Variants in TLE3 observed in about 807,000 individuals in gnomAD.
The protein encoded by TLE3 is TLE family member 3, transcriptional corepressor.
Under a neutral mutation model 93.0 loss-of-function variants are expected in TLE3, and 14 were observed. That is an observed-to-expected ratio of 0.15 (90% CI 0.10 to 0.24). TLE3 has a LOEUF of 0.24. Ranked by LOEUF, TLE3 falls within the 10% of genes least tolerant of loss-of-function variation. TLE3 has a pLI of 1.00. For missense variants in TLE3, 693 were observed against 1,046.6 expected (o/e 0.66, Z 4.66); for synonymous variants, 451 against 425.0 (o/e 1.06, Z -0.75).
At chr15:70,055,926 G>A (rs1003274525) in intron 14 of TLE3, 10 of 369,710 alleles carry the variant, frequency 2.7e-5, no homozygotes, top group Non-Finnish European at 5.1e-5. Flanking sequence ...TGACAGGGAA[G>A]GGCCTGCGAC....
At chr15:70,071,888 G>A (rs752329554) in intron 6 of TLE3, among the ~76,000 whole-genome samples, 3 of 152,144 alleles carry the variant, frequency 2.0e-5, no homozygotes, top group Non-Finnish European at 2.9e-5. Flanking sequence ...GCTTCCCAGA[G>A]GCAGCTCAGC....
chr15:70,055,592 A>C, intron 14 of TLE3: 3 of 333,642 alleles, frequency 9.0e-6, no homozygotes, highest in Non-Finnish European at 1.1e-5. Flanking sequence ...ACATTCCCCC[A>C]ACATGCCAAC....
At chr15:70,087,447 G>A (rs2058084952) in intron 4 of TLE3, among the ~76,000 whole-genome samples, 2 of 152,222 alleles carry the variant, frequency 1.3e-5, no homozygotes, top group African/African-American at 2.4e-5. Flanking sequence ...CTAAGAGGCC[G>A]TAGCATTATA....
chr15:70,085,138 T>C (rs1020940708), intron 4 of TLE3, among the ~76,000 whole-genome samples: 1 of 152,248 alleles, frequency 6.6e-6, no homozygotes, highest in African/African-American at 2.4e-5. Context: ...AAAGTTCTAC[T>C]GGACAGCACT....
chr15:70,093,544 T>C (rs373361611), intron 4 of TLE3, among the ~76,000 whole-genome samples: 25 of 152,334 alleles, frequency 1.6e-4, no homozygotes, highest in African/African-American at 4.6e-4. Flanking sequence ...TGAACACCAA[T>C]TGTTAAAAAG....
intron 4 of TLE3, among the ~76,000 whole-genome samples, chr15:70,083,955 G>C (rs930933976): frequency 6.6e-6 from 1 of 152,186 alleles, no homozygotes; most frequent in Admixed American, 6.5e-5. Context: ...AAAATAAAAA[G>C]GGTTAGAGGG....
rs753209193 is a variant in TLE3 at position 70,058,174 on chromosome 15, C to T, written c.1036G>A (p.Gly346Ser). 6.2e-7 allele frequency: 1 copy of T among 1,613,984 alleles called. No homozygotes were observed. Among genetic ancestry groups the T allele is most frequent in the Non-Finnish European group, 8.5e-7 (1 of 1,179,884 alleles). ...CCCATTATACCTATCGGGTCCATGC[C>T]CGGAGGTTTACCCGGCATCGACCTG... Reference protein sequence around the residue: ...GLRSMPGKPPGMDPIASALRT... With the variant: ...GLRSMPGKPPSMDPIASALRT... The change falls in exon 12 of 20, where the codon GGC becomes AGC. Residue 346 changes from glycine (G) to serine (S), a missense_variant. Physicochemically the swap from Gly to Ser is moderately conservative, Grantham distance 56. Transcript: ENST00000451782. The surrounding 1 kb of genome is among the most constrained non-coding windows in gnomAD (Gnocchi z 4.1).
intron 15 of TLE3, 70 bp from the exon 16 acceptor site, chr15:70,054,755 G>A: frequency 6.8e-7 from 1 of 1,469,190 alleles, no homozygotes; most frequent in Non-Finnish European, 9.0e-7. Context: ...GTCCTGTCCA[G>A]CAACACCGAG....
chr15:70,052,402 G>A lies in TLE3; in HGVS notation c.2097C>T (p.Cys699=), dbSNP rs750383573. 7.4e-6 allele frequency: 12 copies of A among 1,613,716 alleles called. No homozygotes were observed. The highest frequency in any genetic ancestry group is 3.3e-5 in the South Asian group (3 of 91,084). Reference sequence around the variant, plus strand: ...AGTAGGCGAACTTGAGGGAGAGCACGCAGCTCTCGTGCAGGTGCAGCTGGT... The same window carrying A: ...AGTAGGCGAACTTGAGGGAGAGCACACAGCTCTCGTGCAGGTGCAGCTGGT... ...DKYQLHLHES[C]VLSLKFAYCG... is the part of the protein sequence containing the mutation. Residue 699 remains cysteine (C), a synonymous_variant, in exon 18 of 20, where the codon TGC becomes TGT. Coordinates refer to ENST00000451782, the MANE Select transcript of TLE3 (RefSeq NM_001105192.3).
intron 4 of TLE3, among the ~76,000 whole-genome samples, chr15:70,093,233 G>C (rs577062804): frequency 2.0e-5 from 3 of 152,298 alleles, no homozygotes; most frequent in African/African-American, 7.2e-5. Flanking sequence ...CCACAAGCTG[G>C]CTTCCCACAC....
chr15:70,076,452 C>T (rs903214086), intron 4 of TLE3, among the ~76,000 whole-genome samples: 1 of 152,152 alleles, frequency 6.6e-6, no homozygotes, highest in African/African-American at 2.4e-5. Flanking sequence ...TGGATGGAAT[C>T]CCTAATTAAA....
intron 16 of TLE3, chr15:70,054,122 C>A (rs556035441): frequency 3.7e-6 from 1 of 271,700 alleles, no homozygotes; most frequent in Non-Finnish European, 6.9e-6. Flanking sequence ...AGTCGGGTCT[C>A]CCTAATCTGG....
At chr15:70,068,163 A>T (rs1324713791) in intron 6 of TLE3, among the ~76,000 whole-genome samples, 1 of 152,262 alleles carries the variant, frequency 6.6e-6, no homozygotes, top group Non-Finnish European at 1.5e-5. Context: ...TACTAAAAAT[A>T]AGTAGACATT....
chr15:70,060,906 A>G, intron 8 of TLE3: 1 of 487,406 alleles, frequency 2.1e-6, no homozygotes, highest in South Asian at 1.7e-5. Context: ...CTATTAAATA[A>G]TTAACCCTGC....
intron 1 of TLE3, 26 bp from the exon 2 acceptor site, chr15:70,096,287 G>A: frequency 6.5e-7 from 1 of 1,550,116 alleles, no homozygotes; most frequent in Non-Finnish European, 8.7e-7. Context: ...ACAAGACAGG[G>A]GAGGGGGCGG....
intron 4 of TLE3, among the ~76,000 whole-genome samples, chr15:70,092,760 C>G (rs2058364534): frequency 6.6e-6 from 1 of 152,262 alleles, no homozygotes; most frequent in Admixed American, 6.5e-5. Context: ...CAGAACAGAT[C>G]TGCTGCGAGC....
intron 1 of TLE3, 117 bp downstream of exon 1, chr15:70,096,658 C>CACACACAA: frequency 1.3e-6 from 2 of 1,553,790 alleles, no homozygotes; most frequent in Non-Finnish European, 1.7e-6. Flanking sequence ...TGTGAGAGCA[C>CACACACAA]ACACACAAAC....
intron 6 of TLE3, among the ~76,000 whole-genome samples, chr15:70,067,887 C>T (rs749090148): frequency 4.6e-5 from 7 of 152,216 alleles, no homozygotes; most frequent in Non-Finnish European, 7.3e-5. Flanking sequence ...ACTTCTGTGA[C>T]GTCTGTTGCT....
Position 70,054,435 on chromosome 15 carries a change from C to T in TLE3, c.1826+3G>A, listed in dbSNP as rs1338245300. On this transcript the variant is annotated splice_donor_region_variant and intron_variant, in intron 16 of 19. Coordinates refer to ENST00000451782, the MANE Select transcript of TLE3 (RefSeq NM_001105192.3). ...GCACTAATGCTCCCTCCTGCCGGCT[C>T]ACCTGACCAGGGTCTGGTTGTGCAG... 1 of 1,611,290 alleles carries T rather than the reference C, an allele frequency of 6.2e-7. No homozygotes were observed. The highest frequency in any genetic ancestry group is 8.5e-7 in the Non-Finnish European group (1 of 1,177,972).
Sources: gnomAD v4.1 joint callset for allele counts (sites outside exome capture counted in the v4.1 genomes callset) on GRCh38, gnomAD v4.1.1 for gene constraint, Gnocchi (gnomAD v3.1) non-coding constraint, MANE v1.5 for transcripts, NCBI Gene and HGNC (gene_info 2026-07-23, HGNC 2026-07-21) for gene names.